TRPM2: variants seen among roughly 807,000 people sequenced by gnomAD.
TRPM2 encodes the protein transient receptor potential cation channel subfamily M member 2, also known as estrogen-responsive element-associated gene 1 protein.
Under a neutral mutation model 174.0 loss-of-function variants are expected in TRPM2, and 161 were observed. The observed-to-expected ratio is 0.93, with a 90% CI of 0.81 to 1.05. The LOEUF (loss-of-function observed/expected upper bound fraction) is 1.05. TRPM2 is among the 50% of genes least tolerant of loss of function. The pLI is 0.00. For missense variants in TRPM2, 2,057 were observed against 2,038.0 expected, an observed-to-expected ratio of 1.01 and a Z score of -0.18; for synonymous variants, 954 against 861.3, an observed-to-expected ratio of 1.11 and a Z score of -1.88.
chr21:44,412,022 C>A (rs1481564630), intron 19 of TRPM2, among the ~76,000 whole-genome samples: 1 of 152,086 alleles, frequency 6.6e-6, no homozygotes, highest in Non-Finnish European at 1.5e-5. Context: ...GATTTTTGCA[C>A]CTATATTCAT....
rs558308749 is a variant in TRPM2, at chr21:44,374,411, C to T, written c.772-1422C>T. Among the ~76,000 whole-genome samples the T allele has an allele frequency of 2.9e-4, 44 of 152,206 alleles. 1 individual carries two copies. Among genetic ancestry groups the T allele is most frequent in the Middle Eastern group, 3.4e-3 (1 of 294 alleles). On this transcript the variant is annotated intron_variant, in intron 5 of 31. Transcript: ENST00000397928. ...CCACAGATGGGGGCGGGGTGGTAAGCGGTTGGTTTGGGGATGATTCAAGCA... is the reference window on the plus strand; with the variant it reads ...CCACAGATGGGGGCGGGGTGGTAAGTGGTTGGTTTGGGGATGATTCAAGCA...
At chr21:44,392,933 G>A (rs2049229155) in intron 11 of TRPM2, among the ~76,000 whole-genome samples, 1 of 152,128 alleles carries the variant, frequency 6.6e-6, no homozygotes, top group South Asian at 2.1e-4. Context: ...TGCACCCTGT[G>A]ATTCAATGGG....
intron 9 of TRPM2, among the ~76,000 whole-genome samples, chr21:44,389,789 C>T (rs566428738): frequency 5.9e-5 from 9 of 151,884 alleles, no homozygotes; most frequent in Admixed American, 3.3e-4. Context: ...GGATACAAAT[C>T]GTTCGTCAGA....
intron 19 of TRPM2, 82 bp from the exon 20 acceptor site, chr21:44,413,809 G>C: frequency 2.0e-6 from 3 of 1,491,284 alleles, no homozygotes; most frequent in Non-Finnish European, 2.8e-6. Context: ...AGTGACTGGA[G>C]GCCTCGAGGG....
At chr21:44,425,207 A>G (rs371428534) in intron 24 of TRPM2, 15 of 493,786 alleles carry the variant, frequency 3.0e-5, no homozygotes, top group African/African-American at 2.9e-4. Flanking sequence ...CTCCCCACAT[A>G]CCGCACTGCA....
At position 44,406,103 on chromosome 21, in the gene TRPM2, G is replaced by A. The variant is rs185877545; in HGVS notation, c.2790+66G>A. ...CCAGGGTGGGCCTCGGGGAGGGCAGGCCCCTTGCCAGTGGCTCGGACTGGG... is the reference window on the plus strand; with the variant it reads ...CCAGGGTGGGCCTCGGGGAGGGCAGACCCCTTGCCAGTGGCTCGGACTGGG... On this transcript the variant is annotated intron_variant, in intron 18 of 31. Coordinates refer to ENST00000397928, the MANE Select transcript of TRPM2 (RefSeq NM_003307.4). 6.6e-4 allele frequency: 1,049 copies of A among 1,579,032 alleles called. 2 individuals carry two copies. Among genetic ancestry groups the A allele is most frequent in the Non-Finnish European group, 8.6e-4 (1,004 of 1,169,534 alleles).
At chr21:44,357,867 G>A (rs13313851) in intron 2 of TRPM2, among the ~76,000 whole-genome samples, 1 of 152,112 alleles carries the variant, frequency 6.6e-6, no homozygotes, top group African/African-American at 2.4e-5. Context: ...CACAGAAGCC[G>A]CTCTCATCTC....
rs535184836 is a variant in TRPM2, at chr21:44,439,986, C to T, written c.4270-803C>T. ...CTGCCCACCTCAGCCTCCCAAAGTGCTGGGATTACAGGTGTGAGCCACTGC... is the reference window on the plus strand; with the variant it reads ...CTGCCCACCTCAGCCTCCCAAAGTGTTGGGATTACAGGTGTGAGCCACTGC... On this transcript the variant is annotated intron_variant, in intron 30 of 31. Transcript: ENST00000397928. The surrounding 1 kb of genome is among the most constrained non-coding windows in gnomAD (Gnocchi z 5.1). 1.3e-5 allele frequency among the ~76,000 whole-genome samples: 2 copies of T among 151,834 alleles called. No individual in the cohort carries two copies. Among genetic ancestry groups the T allele is most frequent in the South Asian group, 2.1e-4 (1 of 4,786 alleles).
intron 3 of TRPM2, among the ~76,000 whole-genome samples, chr21:44,364,899 C>G (rs1489696209): frequency 1.3e-5 from 2 of 152,204 alleles, no homozygotes; most frequent in Non-Finnish European, 2.9e-5. Flanking sequence ...GGTCCCTGGA[C>G]CAGCCATCTC....
rs1395285945 is a variant in TRPM2, at chr21:44,423,381, C to A, written c.3462-264C>A. The A allele has an allele frequency of 6.3e-6, 3 of 474,394 alleles. No individual in the cohort carries two copies. The East Asian group carries it at 1.1e-4, about 18-fold the overall frequency. The allele number at this position is 474,394 out of a possible 1,614,324, so 29.4% of individuals were successfully genotyped here. On this transcript the variant is annotated intron_variant, in intron 22 of 31. Coordinates refer to ENST00000397928, the MANE Select transcript of TRPM2 (RefSeq NM_003307.4). ...CCCTCCCTCAGTTCACTCACCTCCC[C>A]CTCTCTCCTGGGACCGACAGGCTGC...
chr21:44,383,385 C>T (rs369462370), intron 9 of TRPM2, among the ~76,000 whole-genome samples: 1 of 152,344 alleles, frequency 6.6e-6, no homozygotes, highest in East Asian at 1.9e-4. Flanking sequence ...CTTATATGTG[C>T]TCCTCCCGCC....
At chr21:44,423,967 G>T (rs191581149) in intron 23 of TRPM2, among the ~76,000 whole-genome samples, 1 of 152,190 alleles carries the variant, frequency 6.6e-6, no homozygotes, top group African/African-American at 2.4e-5. Context: ...CTCCACGGCC[G>T]GGCTGTGCTC....
At chr21:44,392,854 A>G (rs1037854620) in intron 11 of TRPM2, among the ~76,000 whole-genome samples, 2 of 152,168 alleles carry the variant, frequency 1.3e-5, no homozygotes, top group African/African-American at 2.4e-5. Flanking sequence ...TCAGGTCAGT[A>G]ACATTCCACC....
intron 11 of TRPM2, among the ~76,000 whole-genome samples, chr21:44,394,594 C>G (rs1015575248): frequency 1.3e-5 from 2 of 151,662 alleles, no homozygotes; most frequent in African/African-American, 4.8e-5. Context: ...GCTGGGATTA[C>G]AGGCGTGAGC....
intron 24 of TRPM2, chr21:44,425,362 G>A (rs1200746830): frequency 1.2e-5 from 5 of 404,614 alleles, no homozygotes; most frequent in African/African-American, 4.1e-5. Context: ...GCTGAGTTTC[G>A]CCGGCCCTCA....
intron 2 of TRPM2, among the ~76,000 whole-genome samples, chr21:44,358,992 C>A: frequency 6.6e-6 from 1 of 152,150 alleles, no homozygotes. Context: ...GGAGGGGTGG[C>A]CAGCTTTTAT....
At chr21:44,434,698 C>T (rs1055118354) in intron 27 of TRPM2, among the ~76,000 whole-genome samples, 3 of 152,200 alleles carry the variant, frequency 2.0e-5, no homozygotes, top group South Asian at 4.1e-4. Flanking sequence ...GCCACACGGA[C>T]GCAGGGCCTC....
Position 44,366,658 on chromosome 21 carries a change from C to A in TRPM2, c.424-96C>A. On this transcript the variant is annotated intron_variant, in intron 3 of 31. Transcript: ENST00000397928. The surrounding 1 kb of genome is among the most constrained non-coding windows in gnomAD (Gnocchi z 6.0). ...GAGCCGGAAAGGTGTGCGGTGTCTG[C>A]CGCCCGCTGGGGCCTCTCTGCATGG... The A allele has an allele frequency of 1.3e-6, 2 of 1,553,736 alleles. No homozygotes were observed. The highest frequency in any genetic ancestry group is 2.3e-5 in the South Asian group (2 of 87,818).
chr21:44,386,431 C>T (rs1477726983), intron 9 of TRPM2, among the ~76,000 whole-genome samples: 3 of 152,102 alleles, frequency 2.0e-5, no homozygotes, highest in African/African-American at 7.2e-5. Flanking sequence ...AAATCTGCTG[C>T]ATTTCTATAC....
Sources: allele counts gnomAD v4.1 joint callset (sites outside exome capture counted in the v4.1 genomes callset), GRCh38; gene constraint gnomAD v4.1.1; non-coding constraint Gnocchi (gnomAD v3.1); transcripts MANE v1.5; gene names NCBI Gene and HGNC (gene_info 2026-07-23, HGNC 2026-07-21).